The following MGAT4C variants were observed in gnomAD, a reference collection of about 807,000 sequenced individuals.
MGAT4C encodes the protein MGAT4 family member C.
A neutral mutation model predicts 40.1 loss-of-function variants in MGAT4C; 19 were observed. The observed-to-expected ratio is 0.47, with a 90% CI of 0.33 to 0.70. The LOEUF (loss-of-function observed/expected upper bound fraction) is 0.70, where lower values mean the gene tolerates loss of function less well. Among genes scored for constraint, MGAT4C ranks in the 30% least tolerant of loss-of-function variants. The pLI is 0.02. For synonymous variants in MGAT4C, 181 were observed against 187.1 expected (o/e 0.97, Z 0.27); for missense variants, 491 against 563.2 (o/e 0.87, Z 1.30).
At chr12:86,706,951 A>G (rs2136624833) in intron 2 of MGAT4C, among the ~76,000 whole-genome samples, 1 of 152,242 alleles carries the variant, frequency 6.6e-6, no homozygotes, top group East Asian at 1.9e-4. Context: ...TGGTTTTATA[A>G]GAGGAAGTTT....
At chr12:86,536,005 G>A in intron 2 of MGAT4C, among the ~76,000 whole-genome samples, 1 of 152,104 alleles carries the variant, frequency 6.6e-6, no homozygotes, top group Middle Eastern at 3.4e-3. Context: ...TAATTCATTT[G>A]TATACAACTA....
At chr12:86,804,324 A>G (rs1952301790) in intron 1 of MGAT4C, among the ~76,000 whole-genome samples, 1 of 146,286 alleles carries the variant, frequency 6.8e-6, no homozygotes. Context: ...CTAGATGACG[A>G]GTTAGTGGGT....
At chr12:86,696,433 T>C (rs1359470676) in intron 2 of MGAT4C, among the ~76,000 whole-genome samples, 7 of 152,100 alleles carry the variant, frequency 4.6e-5, no homozygotes, top group African/African-American at 1.4e-4. Flanking sequence ...AAATAAATAA[T>C]TAAGTAAAAG....
chr12:86,015,715 C>A (rs1889023786), intron 2 of MGAT4C: 1 of 152,084 alleles, frequency 6.6e-6, no homozygotes, highest in Non-Finnish European at 1.5e-5. Context: ...TCCAATGGTC[C>A]CCTCTGATTT....
At chr12:86,762,789 CAT>C (rs1345114959) in intron 1 of MGAT4C, among the ~76,000 whole-genome samples, 1 of 152,144 alleles carries the variant, frequency 6.6e-6, no homozygotes, top group Non-Finnish European at 1.5e-5. Context: ...AGTAGAGAAA[CAT>C]GTCATCATAA....
At chr12:86,179,502 G>C (rs1887878516) in intron 1 of MGAT4C, among the ~76,000 whole-genome samples, 1 of 152,326 alleles carries the variant, frequency 6.6e-6, no homozygotes, top group African/African-American at 2.4e-5. Flanking sequence ...GGGAAAGTTT[G>C]GAACTTCCTA....
At chr12:86,348,937 C>G (rs1388122143) in intron 3 of MGAT4C, among the ~76,000 whole-genome samples, 1 of 151,976 alleles carries the variant, frequency 6.6e-6, no homozygotes, top group Non-Finnish European at 1.5e-5. Context: ...GTGGAATTTT[C>G]TATTTTATCA....
intron 1 of MGAT4C, among the ~76,000 whole-genome samples, chr12:86,174,110 GACACACACACACATACAC>G (rs1214485169): frequency 5.4e-5 from 5 of 92,288 alleles, no homozygotes; most frequent in Admixed American, 1.3e-4. Flanking sequence ...TACCAAAAAA[GACACACACACACATACAC>G]ACACACACAC....
chr12:85,968,141 A>C lies in MGAT4C; in HGVS notation c.*11148T>G, dbSNP rs1033515583. On this transcript the variant is annotated 3_prime_UTR_variant, in exon 5 of 5. Coordinates refer to ENST00000611864, the MANE Select transcript of MGAT4C (RefSeq NM_001351288.2). ...TATGACTAAATGAGACAAGGCATACATGCTGACATTTGAAGGATTTATGAA... is the reference window on the plus strand; with the variant it reads ...TATGACTAAATGAGACAAGGCATACCTGCTGACATTTGAAGGATTTATGAA... 1.3e-5 allele frequency: 2 copies of C among 152,076 alleles called. No individual in the cohort carries two copies. Among genetic ancestry groups the C allele is most frequent in the Non-Finnish European group, 2.9e-5 (2 of 67,936 alleles). 9.4% of individuals were successfully genotyped at this position (152,076 alleles called of 1,614,324 possible). A position where few individuals can be genotyped will look rare whatever the true frequency, so the allele number is the denominator to read the frequency against.
At chr12:86,092,541 G>T (rs541595944) in intron 1 of MGAT4C, among the ~76,000 whole-genome samples, 1 of 152,090 alleles carries the variant, frequency 6.6e-6, no homozygotes, top group Admixed American at 6.6e-5. Context: ...TTGGAAATAT[G>T]AATATGCAAA....
chr12:86,264,795 G>T (rs138962326), intron 4 of MGAT4C, among the ~76,000 whole-genome samples: 24 of 151,116 alleles, frequency 1.6e-4, no homozygotes, highest in African/African-American at 5.9e-4. Context: ...CTCTCCCGGC[G>T]CCCTCTCCGA....
intron 2 of MGAT4C, among the ~76,000 whole-genome samples, chr12:86,037,835 T>G (rs1891396856): frequency 6.7e-6 from 1 of 149,790 alleles, no homozygotes; most frequent in South Asian, 2.1e-4. Context: ...TTTCAAGCCC[T>G]GGATATCCTT....
intron 2 of MGAT4C, among the ~76,000 whole-genome samples, chr12:86,608,184 A>G (rs1233117780): frequency 6.6e-6 from 1 of 152,164 alleles, no homozygotes; most frequent in African/African-American, 2.4e-5. Context: ...AAACCTAATT[A>G]TCATACCATA....
At chr12:86,758,205 A>G (rs1951339286) in intron 1 of MGAT4C, among the ~76,000 whole-genome samples, 1 of 152,134 alleles carries the variant, frequency 6.6e-6, no homozygotes, top group African/African-American at 2.4e-5. Context: ...GGTGTCACAA[A>G]AATAAATTGC....
intron 1 of MGAT4C, among the ~76,000 whole-genome samples, chr12:86,109,831 A>G (rs1171654817): frequency 6.6e-6 from 1 of 152,004 alleles, no homozygotes; most frequent in Non-Finnish European, 1.5e-5. Flanking sequence ...AAAAGTGACC[A>G]CACTGAGTTA....
chr12:86,288,688 T>C (rs1953420959), intron 4 of MGAT4C, among the ~76,000 whole-genome samples: 1 of 152,168 alleles, frequency 6.6e-6, no homozygotes, highest in Non-Finnish European at 1.5e-5. Flanking sequence ...ATTTTTAGTA[T>C]ATTTGTTGAC....
rs184374255 is a variant in MGAT4C, at chr12:86,769,507, G to A, written c.-261-42266C>T. ...AAATACCATTTGACCCAGCCATCCC[G>A]TTATTGGGTATATACCCAAAGGATT... On this transcript the variant is annotated intron_variant, in intron 1 of 7. Transcript: ENST00000548651. Among the ~76,000 whole-genome samples, 940 of 152,222 alleles carry A rather than the reference G, an allele frequency of 6.2e-3. 11 individuals carry two copies. Among genetic ancestry groups the A allele is most frequent in the African/African-American group, 0.02 (832 of 41,540 alleles).
At chr12:86,274,012 C>T (rs769751773) in intron 4 of MGAT4C, among the ~76,000 whole-genome samples, 1 of 152,156 alleles carries the variant, frequency 6.6e-6, no homozygotes, top group African/African-American at 2.4e-5. Flanking sequence ...CTGGCATCTG[C>T]TCAGCTCCTG....
intron 1 of MGAT4C, among the ~76,000 whole-genome samples, chr12:86,822,826 T>C (rs1952729807): frequency 6.6e-6 from 1 of 151,216 alleles, no homozygotes; most frequent in East Asian, 2.0e-4. Flanking sequence ...AACAGATATA[T>C]ACTAAATATT....
Sources: allele counts gnomAD v4.1 joint callset (sites outside exome capture counted in the v4.1 genomes callset), GRCh38; gene constraint gnomAD v4.1.1; transcripts MANE v1.5; gene names NCBI Gene and HGNC (gene_info 2026-07-23, HGNC 2026-07-21).